The following NFIL3 variants were observed in gnomAD, a reference collection of about 807,000 sequenced individuals.
NFIL3 encodes the protein nuclear factor interleukin-3-regulated protein.
Under a neutral mutation model 10.0 loss-of-function variants are expected in NFIL3, and 5 were observed. The observed-to-expected ratio is 0.50, with a 90% CI of 0.26 to 1.06. The LOEUF (loss-of-function observed/expected upper bound fraction) is 1.06, where lower values mean the gene tolerates loss of function less well. Ranked by LOEUF, NFIL3 falls within the 50% of genes least tolerant of loss-of-function variation. NFIL3 has a pLI of 0.13. For synonymous variants in NFIL3, 202 were observed against 206.5 expected (o/e 0.98, Z 0.19); for missense variants, 436 against 547.6 (o/e 0.80, Z 2.03).
chr9:91,481,653 G>A, the NFIL3 span, among the ~76,000 whole-genome samples: 3 of 151,644 alleles, frequency 2.0e-5, no homozygotes, highest in Non-Finnish European at 2.9e-5. Context: ...TGCGGTTAAC[G>A]TTTTTTGTAA....
chr9:91,410,078 C>T lies in NFIL3; in HGVS notation c.657G>A (p.Lys219=), dbSNP rs770642348. ...RSPENKFQII[K]QEPMELESYT... Reference sequence around the variant, plus strand: ...AGCTCTCTAATTCCATCGGCTCTTGCTTGATAATCTGGAACTTGTTTTCAG... The same window carrying T: ...AGCTCTCTAATTCCATCGGCTCTTGTTTGATAATCTGGAACTTGTTTTCAG... Residue 219 remains lysine (K), a synonymous_variant, in exon 2 of 2, where the codon AAG becomes AAA. Transcript: ENST00000297689. This position sits in a 1 kb window ranked among gnomAD's most constrained non-coding sequence, Gnocchi z 5.7. 1 of 1,613,516 alleles carries T rather than the reference C, an allele frequency of 6.2e-7. No homozygotes were observed.
the NFIL3 span, among the ~76,000 whole-genome samples, chr9:91,481,802 GC>G: frequency 6.6e-6 from 1 of 152,040 alleles, no homozygotes; most frequent in Non-Finnish European, 1.5e-5. Flanking sequence ...ACAATAAAAT[GC>G]TTGAAAAATA....
the NFIL3 span, among the ~76,000 whole-genome samples, chr9:91,447,359 T>C: frequency 6.6e-6 from 1 of 152,216 alleles, no homozygotes; most frequent in African/African-American, 2.4e-5. Context: ...AGTAGTGGAA[T>C]TGCTGGTTCA....
chr9:91,449,488 T>C, the NFIL3 span, among the ~76,000 whole-genome samples: 1 of 152,186 alleles, frequency 6.6e-6, no homozygotes, highest in African/African-American at 2.4e-5. Flanking sequence ...CTTCTTTCTA[T>C]TAATGTGATG....
chr9:91,437,715 TA>T, the NFIL3 span, among the ~76,000 whole-genome samples: 1 of 152,232 alleles, frequency 6.6e-6, no homozygotes, highest in Admixed American at 6.5e-5. Context: ...CCTATCTCTG[TA>T]TATATGACTC....
rs1833517020 is a variant in NFIL3 at position 91,410,211 on chromosome 9, C to G, written c.524G>C (p.Cys175Ser). Residue 175 changes from cysteine (C) to serine (S), a missense_variant, in exon 2 of 2, where the codon TGT (cysteine) becomes TCT (serine). Physicochemically the swap from Cys to Ser is moderately radical, Grantham distance 112. Around this residue, in one of 3 missense-constraint regions of NFIL3, gnomAD observed 338 missense variants for 399.9 expected, o/e 0.85. Transcript: ENST00000297689. The surrounding 1 kb of genome is among the most constrained non-coding windows in gnomAD (Gnocchi z 5.7). ...TGGAGAGTGTTTAATGACAGAAATA[C>G]AACTACTTGACACCATCGAGGGTTC... ...EHEPSMVSSS[C>S]ISVIKHSPQS... 1.2e-6 allele frequency: 2 copies of G among 1,614,084 alleles called. No homozygotes were observed. The highest frequency in any genetic ancestry group is 1.7e-6 in the Non-Finnish European group (2 of 1,179,998).
At chr9:91,461,484 C>T in the NFIL3 span, among the ~76,000 whole-genome samples, 2 of 152,116 alleles carry the variant, frequency 1.3e-5, no homozygotes, top group Admixed American at 6.5e-5. Flanking sequence ...CTTAAAACAA[C>T]AGAAATGTAT....
chr9:91,425,665 A>G (rs146681888), upstream of NFIL3, among the ~76,000 whole-genome samples: 2 of 152,314 alleles, frequency 1.3e-5, no homozygotes, highest in East Asian at 3.9e-4. Flanking sequence ...ATAATTCAAG[A>G]TGTGGTCTTA....
At chr9:91,455,264 T>G in the NFIL3 span, among the ~76,000 whole-genome samples, 1 of 152,204 alleles carries the variant, frequency 6.6e-6, no homozygotes. Context: ...TTAGCACCCA[T>G]CCATGGATCT....
At chr9:91,428,644 C>T (rs917232917), upstream of NFIL3, among the ~76,000 whole-genome samples, 7 of 152,222 alleles carry the variant, frequency 4.6e-5, no homozygotes, top group African/African-American at 1.7e-4. Flanking sequence ...TAGATCTCTA[C>T]ACCAACGACA....
chr9:91,417,763 TAGAG>T (rs1392413424), intron 1 of NFIL3, among the ~76,000 whole-genome samples: 9 of 152,062 alleles, frequency 5.9e-5, no homozygotes, highest in Non-Finnish European at 1.2e-4. Flanking sequence ...ACCCCAAAGT[TAGAG>T]AGAAATGTGC....
the NFIL3 span, among the ~76,000 whole-genome samples, chr9:91,434,173 G>C: frequency 2.0e-5 from 3 of 152,244 alleles, no homozygotes; most frequent in African/African-American, 7.2e-5. Context: ...GAAGCACTTT[G>C]GGAGGCTGAG....
chr9:91,411,827 G>A (rs1833554908), intron 1 of NFIL3, among the ~76,000 whole-genome samples: 2 of 152,184 alleles, frequency 1.3e-5, no homozygotes, highest in South Asian at 4.2e-4. Flanking sequence ...ACTAGGCGGG[G>A]CACGGTGGCT....
At chr9:91,442,932 C>G in the NFIL3 span, among the ~76,000 whole-genome samples, 1 of 152,272 alleles carries the variant, frequency 6.6e-6, no homozygotes, top group East Asian at 1.9e-4. Flanking sequence ...TTCAGTCCTG[C>G]CATTCAGTGG....
chr9:91,424,564 A>G (rs1041971559), upstream of NFIL3, among the ~76,000 whole-genome samples: 2 of 152,158 alleles, frequency 1.3e-5, no homozygotes, highest in Non-Finnish European at 2.9e-5. Context: ...CTCTCCCGAG[A>G]GCCGCGACGG....
rs60404597 is a variant in NFIL3 at position 91,411,605 on chromosome 9, G to T, written c.-172-699C>A. 3.3e-4 allele frequency among the ~76,000 whole-genome samples: 51 copies of T among 152,276 alleles called. 1 individual carries two copies. The highest frequency in any genetic ancestry group is 1.1e-3 in the African/African-American group (47 of 41,548). ...AGCAAATTCCACCAGGTGACTCACT[G>T]CAACTAAATGAAAAGGATTCTTCTC... On this transcript the variant is annotated intron_variant, in intron 1 of 1. Transcript: ENST00000297689.
Position 91,410,240 on chromosome 9 carries a change from C to T in NFIL3, c.495G>A (p.Glu165=), listed in dbSNP as rs758858235. 3 of 1,614,140 alleles carry T rather than the reference C, an allele frequency of 1.9e-6. No homozygotes were observed. The highest frequency in any genetic ancestry group is 2.5e-6 in the Non-Finnish European group (3 of 1,180,014). Residue 165 remains glutamate, a synonymous_variant, in exon 2 of 2, where the codon GAG becomes GAA. Transcript: ENST00000297689. The surrounding 1 kb of genome is among the most constrained non-coding windows in gnomAD (Gnocchi z 5.7). ...TACTTGACACCATCGAGGGTTCGTG[C>T]TCGTCCACAAATGAACTCACATTGG... ...SKSNVSSFVD[E]HEPSMVSSSC...
At chr9:91,426,929 A>C (rs1361122727), upstream of NFIL3, 1 of 152,218 alleles carries the variant, frequency 6.6e-6, no homozygotes, top group Non-Finnish European at 1.5e-5. Context: ...GTAAAGTCAG[A>C]TGGATAATGA....
chr9:91,455,512 T>G, the NFIL3 span, among the ~76,000 whole-genome samples: 1 of 152,228 alleles, frequency 6.6e-6, no homozygotes, highest in Non-Finnish European at 1.5e-5. Flanking sequence ...GATGTCCTTT[T>G]GATAAGCTCT....
Sources: gnomAD v4.1 joint callset for allele counts (sites outside exome capture counted in the v4.1 genomes callset) on GRCh38, gnomAD v4.1.1 for gene constraint, gnomAD v4.1.1 regional missense constraint, Gnocchi (gnomAD v3.1) non-coding constraint, MANE v1.5 for transcripts, NCBI Gene and HGNC (gene_info 2026-07-23, HGNC 2026-07-21) for gene names.